TENM2: variants seen among roughly 807,000 people sequenced by gnomAD.
TENM2 encodes teneurin transmembrane protein 2, also known as teneurin-2.
A neutral mutation model predicts 245.2 loss-of-function variants in TENM2; 52 were observed. That is an observed-to-expected ratio of 0.21 (90% confidence interval 0.17 to 0.27). The LOEUF is 0.27. TENM2 is among the 10% of genes least tolerant of loss of function. TENM2 has a pLI of 1.00. For synonymous variants in TENM2, 1,363 were observed against 1,438.9 expected (o/e 0.95, Z 1.19); for missense variants, 3,046 against 3,666.8 (o/e 0.83, Z 4.37).
chr5:167,643,829 A>G (rs924566608), intron 2 of TENM2, among the ~76,000 whole-genome samples: 4 of 152,232 alleles, frequency 2.6e-5, no homozygotes, highest in Admixed American at 6.5e-5. Flanking sequence ...GGAGGGTGCT[A>G]TGATGCAAAT....
chr5:167,586,459 G>A (rs1034973803), intron 2 of TENM2, among the ~76,000 whole-genome samples: 1 of 152,162 alleles, frequency 6.6e-6, no homozygotes, highest in Non-Finnish European at 1.5e-5. Flanking sequence ...ATGTATAACT[G>A]TAATTTCTCT....
chr5:167,252,476 A>G, the TENM2 span, among the ~76,000 whole-genome samples: 1 of 152,118 alleles, frequency 6.6e-6, no homozygotes, highest in Non-Finnish European at 1.5e-5. Context: ...CCAGGCTGAT[A>G]GAGACTCTGA....
intron 3 of TENM2, among the ~76,000 whole-genome samples, chr5:167,913,952 A>T (rs530151113): frequency 1.3e-5 from 2 of 152,328 alleles, no homozygotes; most frequent in South Asian, 4.1e-4. Flanking sequence ...TGCTGCTAAG[A>T]ATGGTGCCTG....
At chr5:167,383,599 C>T (rs1016704985) in intron 2 of TENM2, among the ~76,000 whole-genome samples, 2 of 152,060 alleles carry the variant, frequency 1.3e-5, no homozygotes, top group Admixed American at 1.3e-4. Context: ...TCCCCACCTG[C>T]ATCCAGCAGG....
the TENM2 span, among the ~76,000 whole-genome samples, chr5:167,131,203 A>G: frequency 9.2e-5 from 14 of 152,244 alleles, 1 homozygote; most frequent in Middle Eastern, 3.4e-3. Context: ...CCATGGTACA[A>G]ACATTTTTAT....
intron 1 of TENM2, among the ~76,000 whole-genome samples, chr5:167,313,174 A>G (rs1049296070): frequency 2.6e-5 from 4 of 151,912 alleles, no homozygotes; most frequent in Admixed American, 6.6e-5. Context: ...AAATGCTGGG[A>G]TTACAAGTGC....
At chr5:167,071,535 C>T in the TENM2 span, among the ~76,000 whole-genome samples, 2 of 152,086 alleles carry the variant, frequency 1.3e-5, no homozygotes, top group African/African-American at 4.8e-5. Context: ...CTAGTCTTGT[C>T]AATTTGTCTT....
At chr5:167,547,808 G>A (rs1772665561) in intron 2 of TENM2, among the ~76,000 whole-genome samples, 1 of 152,122 alleles carries the variant, frequency 6.6e-6, no homozygotes, top group African/African-American at 2.4e-5. Flanking sequence ...CTATTTTTCT[G>A]TTTTATCACA....
At chr5:167,339,568 G>A (rs780205072) in intron 1 of TENM2, among the ~76,000 whole-genome samples, 3 of 149,492 alleles carry the variant, frequency 2.0e-5, no homozygotes, top group Non-Finnish European at 4.5e-5. Flanking sequence ...TTCAAATTCT[G>A]GCTTCTTTTT....
intron 2 of TENM2, among the ~76,000 whole-genome samples, chr5:167,731,697 G>GTT (rs58942656): frequency 0.049 from 5,959 of 121,592 alleles, 340 homozygotes; most frequent in East Asian, 0.22. Flanking sequence ...TTTCTCAGAG[G>GTT]TTTTTTTTTT....
chr5:168,086,145 T>C (rs1792435359), intron 7 of TENM2, among the ~76,000 whole-genome samples: 1 of 152,206 alleles, frequency 6.6e-6, no homozygotes. Context: ...ATGTGGTTTC[T>C]AGAAGCATCT....
chr5:167,050,251 T>A, the TENM2 span, among the ~76,000 whole-genome samples: 1 of 152,172 alleles, frequency 6.6e-6, no homozygotes, highest in Non-Finnish European at 1.5e-5. Context: ...CTCCACCTCC[T>A]GTCAGGTCAG....
intron 1 of TENM2, among the ~76,000 whole-genome samples, chr5:167,328,051 G>T (rs1330258907): frequency 6.6e-6 from 1 of 152,026 alleles, no homozygotes; most frequent in East Asian, 1.9e-4. Context: ...TAGTGGAATG[G>T]TGCACCTTCT....
chr5:167,507,903 A>C (rs1769664073), intron 2 of TENM2, among the ~76,000 whole-genome samples: 1 of 151,852 alleles, frequency 6.6e-6, no homozygotes, highest in Admixed American at 6.6e-5. Flanking sequence ...TCTTTCTACT[A>C]TAAAATTAGA....
intron 2 of TENM2, among the ~76,000 whole-genome samples, chr5:167,676,255 C>T (rs1294043493): frequency 1.4e-5 from 2 of 147,886 alleles, no homozygotes. Context: ...TTTCTTTACA[C>T]AGATTTTTTT....
chr5:167,711,780 C>A (rs569362133), intron 2 of TENM2, among the ~76,000 whole-genome samples: 1 of 152,234 alleles, frequency 6.6e-6, no homozygotes, highest in African/African-American at 2.4e-5. Flanking sequence ...CTTTGAATAC[C>A]AAGGTCATGC....
chr5:167,820,387 CTGA>C (rs1767421904), intron 2 of TENM2, among the ~76,000 whole-genome samples: 1 of 152,192 alleles, frequency 6.6e-6, no homozygotes, highest in African/African-American at 2.4e-5. Flanking sequence ...CTGAGGAATG[CTGA>C]TGGAGAAAAA....
rs577581171 is a variant in TENM2, at chr5:167,444,440, A to T, written c.502+68967A>T. Reference sequence around the variant, plus strand: ...ACAACTAAAAGTCAGTATAAAACTAATGAATTGCTGGAAGGCAAATCAGAA... The same window carrying T: ...ACAACTAAAAGTCAGTATAAAACTATTGAATTGCTGGAAGGCAAATCAGAA... On this transcript the variant is annotated intron_variant, in intron 2 of 28. Coordinates refer to ENST00000518659, the Ensembl canonical transcript of TENM2. Among the ~76,000 whole-genome samples the T allele has an allele frequency of 1.1e-4, 17 of 152,300 alleles. 1 individual carries two copies. In the South Asian group the frequency reaches 3.5e-3, roughly 32 times the overall value.
chr5:167,209,296 C>T, the TENM2 span, among the ~76,000 whole-genome samples: 1 of 151,642 alleles, frequency 6.6e-6, no homozygotes, highest in African/African-American at 2.4e-5. Context: ...TGGAGTCTCA[C>T]TCTGTCACCC....
Sources: gnomAD v4.1 joint callset for allele counts (sites outside exome capture counted in the v4.1 genomes callset) on GRCh38, gnomAD v4.1.1 for gene constraint, MANE v1.5 for transcripts, NCBI Gene and HGNC (gene_info 2026-07-23, HGNC 2026-07-21) for gene names.